The following ASTN1 variants were observed in gnomAD, a reference collection of about 807,000 sequenced individuals.
The protein encoded by ASTN1 is astrotactin-1.
Under a neutral mutation model 140.7 loss-of-function variants are expected in ASTN1, and 41 were observed. The observed-to-expected ratio is 0.29, with a 90% confidence interval of 0.23 to 0.38. The LOEUF (loss-of-function observed/expected upper bound fraction) is 0.38. Among genes scored for constraint, ASTN1 ranks in the 10% least tolerant of loss-of-function variants. The pLI is 1.00. For missense variants in ASTN1, 1,479 were observed against 1,678.8 expected (o/e 0.88, Z 2.08); for synonymous variants, 640 against 652.2 (o/e 0.98, Z 0.29).
intron 11 of ASTN1, among the ~76,000 whole-genome samples, chr1:176,956,357 G>A (rs780202919): frequency 2.0e-5 from 3 of 152,146 alleles, no homozygotes; most frequent in Non-Finnish European, 2.9e-5. Context: ...TTAGGGCTGG[G>A]AGCACTCCAC....
chr1:177,122,896 A>G (rs189142352), intron 1 of ASTN1, among the ~76,000 whole-genome samples: 122 of 152,316 alleles, frequency 8.0e-4, no homozygotes, highest in Admixed American at 1.8e-3. Flanking sequence ...TAGGATCAGA[A>G]CAACAAAGTG....
chr1:176,858,801 T>C (rs562820936), downstream of ASTN1, among the ~76,000 whole-genome samples: 4 of 152,284 alleles, frequency 2.6e-5, no homozygotes, highest in South Asian at 8.3e-4. Flanking sequence ...GGCTGTGACT[T>C]GCAAAAATCT....
intron 1 of ASTN1, among the ~76,000 whole-genome samples, chr1:177,138,596 C>T (rs974717379): frequency 6.6e-6 from 1 of 152,172 alleles, no homozygotes; most frequent in Admixed American, 6.5e-5. Flanking sequence ...GGACAAATAG[C>T]TGTGTCCTGA....
Position 177,127,363 on chromosome 1 carries a change from T to C in ASTN1, c.283+37031A>G, listed in dbSNP as rs7538993. On this transcript the variant is annotated intron_variant, in intron 1 of 22. Coordinates refer to ENST00000361833, the MANE Select transcript of ASTN1 (RefSeq NM_004319.3). ...CTAGAAGACCCCACGGTTAATGCTT[T>C]TTATTCCGAGAAGCACTCATTTATT... is the stretch of plus-strand genomic sequence containing the variant. 7.2e-3 allele frequency among the ~76,000 whole-genome samples: 1,100 copies of C among 152,282 alleles called. 14 individuals are homozygous for C. Among genetic ancestry groups the C allele is most frequent in the African/African-American group, 0.024 (989 of 41,538 alleles).
intron 1 of ASTN1, among the ~76,000 whole-genome samples, chr1:177,133,366 A>G (rs1682030068): frequency 6.6e-6 from 1 of 152,218 alleles, no homozygotes; most frequent in Non-Finnish European, 1.5e-5. Context: ...TCTTTCCACA[A>G]CATCTTGTCA....
intron 1 of ASTN1, among the ~76,000 whole-genome samples, chr1:177,082,788 T>C (rs1326735367): frequency 6.6e-6 from 1 of 152,194 alleles, no homozygotes; most frequent in Non-Finnish European, 1.5e-5. Context: ...TCTGCCGCCA[T>C]AGATTATGCC....
intron 8 of ASTN1, among the ~76,000 whole-genome samples, chr1:176,997,069 C>T (rs1014614096): frequency 1.3e-5 from 2 of 152,172 alleles, no homozygotes; most frequent in African/African-American, 2.4e-5. Flanking sequence ...TCCTGAAAAC[C>T]AATTCCCTGA....
chr1:177,020,803 G>C (rs1176436882), intron 7 of ASTN1, among the ~76,000 whole-genome samples: 1 of 152,192 alleles, frequency 6.6e-6, no homozygotes, highest in East Asian at 1.9e-4. Flanking sequence ...CCTGAGGAGA[G>C]CTCTGGCACC....
Position 176,868,963 on chromosome 1 carries a change from G to A in ASTN1, c.3528C>T (p.Ala1176=). The change falls in exon 22 of 23, where the codon GCC becomes GCT. Residue 1176 remains alanine (A), a synonymous_variant. Coordinates refer to ENST00000361833, the MANE Select transcript of ASTN1 (RefSeq NM_004319.3). The stretch of plus-strand genomic sequence containing the variant: ...AACCCAGATCCAGGAGGGTGTTGTA[G>A]GCGGTCTGCTGCTCCTTCCCACTAG... ...GYTSGKEQQT[A]YNTLLDLGSP... is the part of the protein sequence containing the mutation. The A allele has an allele frequency of 6.2e-7, 1 of 1,612,648 alleles. No homozygotes were observed. Among genetic ancestry groups the A allele is most frequent in the Non-Finnish European group, 8.5e-7 (1 of 1,179,048 alleles).
intron 1 of ASTN1, among the ~76,000 whole-genome samples, chr1:177,077,782 C>G (rs1057049898): frequency 2.0e-5 from 3 of 152,142 alleles, no homozygotes; most frequent in Non-Finnish European, 2.9e-5. Flanking sequence ...CCTTTAAAAG[C>G]CAGCCAGCCT....
intron 8 of ASTN1, among the ~76,000 whole-genome samples, chr1:176,979,202 A>G (rs1673498676): frequency 6.6e-6 from 1 of 152,128 alleles, no homozygotes; most frequent in Admixed American, 6.5e-5. Context: ...CCTGGTCATC[A>G]AGACTCCTGC....
chr1:177,129,396 GGT>G (rs1291621430), intron 1 of ASTN1, among the ~76,000 whole-genome samples: 1 of 152,142 alleles, frequency 6.6e-6, no homozygotes, highest in African/African-American at 2.4e-5. Context: ...GCAGCTTGTA[GGT>G]CGCAAGGAAC....
intron 20 of ASTN1, among the ~76,000 whole-genome samples, chr1:176,880,189 A>G (rs1487413406): frequency 6.6e-6 from 1 of 152,146 alleles, no homozygotes; most frequent in Non-Finnish European, 1.5e-5. Context: ...TGATGACCCC[A>G]ACGGAGGCCT....
At chr1:177,004,673 A>G (rs1384912619) in intron 8 of ASTN1, among the ~76,000 whole-genome samples, 1 of 152,122 alleles carries the variant, frequency 6.6e-6, no homozygotes, top group African/African-American at 2.4e-5. Context: ...AATAGAGCCA[A>G]ATACTTACAA....
At chr1:177,044,771 G>C (rs1244058897) in intron 2 of ASTN1, among the ~76,000 whole-genome samples, 1 of 152,192 alleles carries the variant, frequency 6.6e-6, no homozygotes, top group African/African-American at 2.4e-5. Context: ...GCCTAATTCT[G>C]TACCTGTTTT....
At chr1:176,901,809 A>C (rs1669779263) in intron 16 of ASTN1, among the ~76,000 whole-genome samples, 1 of 152,226 alleles carries the variant, frequency 6.6e-6, no homozygotes, top group Non-Finnish European at 1.5e-5. Flanking sequence ...AGTGGTTCAC[A>C]ACTGTCCAAC....
intron 8 of ASTN1, among the ~76,000 whole-genome samples, chr1:176,974,120 T>C (rs986776001): frequency 6.6e-6 from 1 of 152,246 alleles, no homozygotes; most frequent in Non-Finnish European, 1.5e-5. Flanking sequence ...TTTATGTATA[T>C]GTGCACACAG....
intron 1 of ASTN1, among the ~76,000 whole-genome samples, chr1:177,083,707 T>A (rs1214062041): frequency 6.6e-6 from 1 of 152,138 alleles, no homozygotes; most frequent in East Asian, 1.9e-4. Context: ...TTCAACAAAG[T>A]ACCCAAAATC....
intron 8 of ASTN1, among the ~76,000 whole-genome samples, chr1:177,008,436 A>AGAGAGGAAGAGGGAGAGG (rs1675104160): frequency 2.0e-5 from 3 of 149,426 alleles, no homozygotes; most frequent in Admixed American, 6.7e-5. Flanking sequence ...AGAGGAAGAC[A>AGAGAGGAAGAGGGAGAGG]GAGAGGAAGA....
Sources: allele counts gnomAD v4.1 joint callset (sites outside exome capture counted in the v4.1 genomes callset), GRCh38; gene constraint gnomAD v4.1.1; transcripts MANE v1.5; gene names NCBI Gene and HGNC (gene_info 2026-07-23, HGNC 2026-07-21).